Variants in SND1 observed in about 807,000 individuals in gnomAD.
SND1 encodes the protein staphylococcal nuclease and tudor domain containing 1, also known as staphylococcal nuclease domain-containing protein 1.
In SND1, 38 loss-of-function variants were observed where a neutral mutation model predicts 121.7. The ratio of observed to expected loss-of-function variants is 0.31; its 90% CI spans 0.24 to 0.41. The LOEUF (loss-of-function observed/expected upper bound fraction) is 0.41. Ranked by LOEUF, SND1 falls within the 10% of genes least tolerant of loss-of-function variation. The pLI is 1.00. For synonymous variants in SND1, 401 were observed against 447.4 expected, an observed-to-expected ratio of 0.90 and a Z score of 1.31; for missense variants, 868 against 1,184.6, an observed-to-expected ratio of 0.73 and a Z score of 3.92.
chr7:127,937,727 A>G (rs546077793), intron 15 of SND1, among the ~76,000 whole-genome samples: 1 of 152,332 alleles, frequency 6.6e-6, no homozygotes, highest in East Asian at 1.9e-4. Flanking sequence ...GCCTGTTTCA[A>G]TAGACCAAAA....
intron 10 of SND1, among the ~76,000 whole-genome samples, chr7:127,777,366 A>G (rs1797639128): frequency 6.6e-6 from 1 of 152,248 alleles, no homozygotes; most frequent in Non-Finnish European, 1.5e-5. Context: ...TAAATGTTGG[A>G]AAACTCAGAA....
intron 10 of SND1, among the ~76,000 whole-genome samples, chr7:127,740,814 A>G (rs1366082376): frequency 6.6e-6 from 1 of 152,182 alleles, no homozygotes; most frequent in Non-Finnish European, 1.5e-5. Flanking sequence ...AAATCTGGTG[A>G]GATTGATTCT....
chr7:127,705,029 C>T (rs1796165031), intron 8 of SND1, 84 bp downstream of exon 8: 2 of 1,107,876 alleles, frequency 1.8e-6, no homozygotes, highest in East Asian at 4.9e-5. Flanking sequence ...GCTCACACCC[C>T]TGTGTGTCAG....
intron 4 of SND1, among the ~76,000 whole-genome samples, chr7:127,699,261 A>G (rs1796060712): frequency 1.3e-5 from 2 of 152,204 alleles, no homozygotes. Flanking sequence ...CGAGTCCCAA[A>G]TATTTATTGA....
intron 14 of SND1, among the ~76,000 whole-genome samples, chr7:127,922,192 T>TTTTTG (rs1800727699): frequency 2.7e-5 from 3 of 109,154 alleles, no homozygotes; most frequent in Non-Finnish European, 3.9e-5. Context: ...TTTTTTTTTT[T>TTTTTG]TTTTTTTTTT....
At chr7:127,736,905 T>C (rs1796785954) in intron 10 of SND1, among the ~76,000 whole-genome samples, 1 of 152,182 alleles carries the variant, frequency 6.6e-6, no homozygotes. Flanking sequence ...CCGTGGCAGC[T>C]TCATGCATGC....
intron 16 of SND1, among the ~76,000 whole-genome samples, chr7:128,045,859 C>T (rs1055757414): frequency 1.3e-5 from 2 of 152,130 alleles, no homozygotes; most frequent in South Asian, 4.1e-4. Flanking sequence ...TGCTCATACA[C>T]CAATCGACAA....
chr7:127,869,216 A>G (rs1238308583), intron 12 of SND1, among the ~76,000 whole-genome samples: 2 of 152,188 alleles, frequency 1.3e-5, no homozygotes, highest in African/African-American at 2.4e-5. Flanking sequence ...GGCAAAGGCA[A>G]CACTAGAGAC....
intron 15 of SND1, among the ~76,000 whole-genome samples, chr7:127,982,823 T>A (rs1433247758): frequency 2.6e-5 from 4 of 152,204 alleles, no homozygotes; most frequent in Admixed American, 1.3e-4. Flanking sequence ...CTTTAAAGCT[T>A]ATGAGCAAGA....
chr7:127,945,994 A>T (rs962765159), intron 15 of SND1, among the ~76,000 whole-genome samples: 8 of 152,170 alleles, frequency 5.3e-5, no homozygotes, highest in African/African-American at 1.9e-4. Context: ...GTAACAAGGG[A>T]CCTTTCCAAT....
At chr7:127,911,939 G>C (rs575616313) in intron 14 of SND1, among the ~76,000 whole-genome samples, 12 of 152,052 alleles carry the variant, frequency 7.9e-5, no homozygotes, top group Non-Finnish European at 1.2e-4. Flanking sequence ...TAGCTTTATT[G>C]TGTTGGAGTT....
intron 9 of SND1, among the ~76,000 whole-genome samples, chr7:127,717,227 T>C (rs888879217): frequency 6.6e-6 from 1 of 152,232 alleles, no homozygotes; most frequent in Non-Finnish European, 1.5e-5. Context: ...ATAGATACAT[T>C]TTTATTAACT....
At chr7:127,851,022 G>A (rs1031583513) in intron 12 of SND1, among the ~76,000 whole-genome samples, 7 of 152,112 alleles carry the variant, frequency 4.6e-5, no homozygotes, top group African/African-American at 1.4e-4. Flanking sequence ...CAGATATTTC[G>A]TGGCTGGCTA....
chr7:127,953,879 G>A (rs1801528498), intron 15 of SND1, among the ~76,000 whole-genome samples: 2 of 152,138 alleles, frequency 1.3e-5, no homozygotes, highest in African/African-American at 4.8e-5. Context: ...CATAGGGAAG[G>A]AGAAAAGGAA....
intron 15 of SND1, among the ~76,000 whole-genome samples, chr7:127,964,496 A>G (rs1312148851): frequency 4.6e-5 from 7 of 151,218 alleles, no homozygotes; most frequent in African/African-American, 1.7e-4. Flanking sequence ...TCCCAGCACC[A>G]TTTATTAAAT....
chr7:128,080,506 C>G (rs1793579790), intron 17 of SND1, among the ~76,000 whole-genome samples: 1 of 152,230 alleles, frequency 6.6e-6, no homozygotes, highest in Non-Finnish European at 1.5e-5. Context: ...TTGGTGAGCT[C>G]TTCCCCAGCC....
In SND1 at chr7:127,883,791, A is replaced by G. The variant is rs192116482; in HGVS notation, c.1344-4111A>G. Among the ~76,000 whole-genome samples, 179 of 152,282 alleles carry G rather than the reference A, an allele frequency of 1.2e-3. 2 individuals are homozygous for G. In the East Asian group the frequency reaches 0.021, roughly 18 times the overall value. ...ATAGTTCTTCAGTCTTTCTTTGACCATCATGGCCTTGACACTTCTGAAGAG... is the reference window on the plus strand; with the variant it reads ...ATAGTTCTTCAGTCTTTCTTTGACCGTCATGGCCTTGACACTTCTGAAGAG... On this transcript the variant is annotated intron_variant, in intron 12 of 23. Transcript: ENST00000354725.
At chr7:127,950,110 G>C (rs1801426958) in intron 15 of SND1, among the ~76,000 whole-genome samples, 1 of 152,192 alleles carries the variant, frequency 6.6e-6, no homozygotes, top group Non-Finnish European at 1.5e-5. Flanking sequence ...AATGGGTCTG[G>C]AGTTGGGCCA....
intron 12 of SND1, among the ~76,000 whole-genome samples, chr7:127,871,971 A>C (rs2116701343): frequency 6.6e-6 from 1 of 152,172 alleles, no homozygotes; most frequent in South Asian, 2.1e-4. Flanking sequence ...TCTCTGCAAA[A>C]AAATTTAAAA....
Sources: gnomAD v4.1 joint callset for allele counts (sites outside exome capture counted in the v4.1 genomes callset) on GRCh38, gnomAD v4.1.1 for gene constraint, MANE v1.5 for transcripts, NCBI Gene and HGNC (gene_info 2026-07-23, HGNC 2026-07-21) for gene names.